The following ATXN7L2 variants were observed in gnomAD, a reference collection of about 807,000 sequenced individuals.
ATXN7L2 encodes ataxin-7-like protein 2.
ATXN7L2 carries 17 observed loss-of-function variants against 59.6 expected under a neutral mutation model. The observed-to-expected ratio is 0.29, with a 90% confidence interval of 0.20 to 0.43. ATXN7L2 has a LOEUF of 0.43. ATXN7L2 is among the 20% of genes least tolerant of loss of function. The pLI is 1.00. For missense variants in ATXN7L2, 858 were observed against 1,008.9 expected, an observed-to-expected ratio of 0.85 and a Z score of 2.03; for synonymous variants, 378 against 392.5, an observed-to-expected ratio of 0.96 and a Z score of 0.44.
chr1:109,486,424 G>A lies in ATXN7L2; in HGVS notation c.194-82G>A. The A allele has an allele frequency of 1.6e-6, 2 of 1,214,436 alleles. No individual in the cohort carries two copies. Among genetic ancestry groups the A allele is most frequent in the East Asian group, 2.4e-5 (1 of 41,618 alleles). 75.2% of individuals were successfully genotyped at this position (1,214,436 alleles called of 1,614,324 possible). ...AGCGGGGAGGTGAAGTGCCTTCTGAGTGTGGGGTGGGAGTGCTCTCCGATC... is the reference window on the plus strand; with the variant it reads ...AGCGGGGAGGTGAAGTGCCTTCTGAATGTGGGGTGGGAGTGCTCTCCGATC... On this transcript the variant is annotated intron_variant, in intron 2 of 10. Coordinates refer to ENST00000683729, the MANE Select transcript of ATXN7L2 (RefSeq NM_001350175.2). This position sits in a 1 kb window ranked among gnomAD's most constrained non-coding sequence, Gnocchi z 4.3.
intron 10 of ATXN7L2, chr1:109,492,233 G>T: frequency 1.7e-6 from 1 of 591,928 alleles, no homozygotes; most frequent in East Asian, 6.1e-5. Flanking sequence ...AGTTCTCCAG[G>T]GTTTCCAGTA....
intron 9 of ATXN7L2, among the ~76,000 whole-genome samples, 179 bp from the exon 10 acceptor site, chr1:109,490,743 C>A (rs1656986023): frequency 1.3e-5 from 2 of 152,122 alleles, no homozygotes; most frequent in South Asian, 4.1e-4. Flanking sequence ...AATTCCTCTC[C>A]ACAGGCACCC....
chr1:109,488,834 T>C lies in ATXN7L2; in HGVS notation c.880-13T>C, dbSNP rs574566068. The C allele has an allele frequency of 6.2e-7, 1 of 1,610,248 alleles. No individual in the cohort carries two copies. The highest frequency in any genetic ancestry group is 1.1e-5 in the South Asian group (1 of 90,916). On this transcript the variant is annotated splice_polypyrimidine_tract_variant and intron_variant, in intron 6 of 10. Coordinates refer to ENST00000683729, the MANE Select transcript of ATXN7L2 (RefSeq NM_001350175.2). This position sits in a 1 kb window ranked among gnomAD's most constrained non-coding sequence, Gnocchi z 5.0. Reference sequence around the variant, plus strand: ...ATACCTACTCCCCAGCTCTCCACTCTGCTGTATTCTAGATCCACTCAGTAC... The same window carrying C: ...ATACCTACTCCCCAGCTCTCCACTCCGCTGTATTCTAGATCCACTCAGTAC...
chr1:109,484,505 C>T (rs1029185367), intron 1 of ATXN7L2, among the ~76,000 whole-genome samples: 1 of 150,974 alleles, frequency 6.6e-6, no homozygotes, highest in African/African-American at 2.4e-5. Context: ...CCCACACCTC[C>T]TGCTCCTTTT....
At chr1:109,487,937 C>G in intron 5 of ATXN7L2, 133 bp downstream of exon 5, 1 of 1,086,876 alleles carries the variant, frequency 9.2e-7, no homozygotes, top group Non-Finnish European at 1.3e-6. Context: ...ATAGGAGCCC[C>G]GTCACCTCTT....
In ATXN7L2 at chr1:109,488,829, C is replaced by T. The variant is rs763053734; in HGVS notation, c.880-18C>T. Reference sequence around the variant, plus strand: ...AGTTCATACCTACTCCCCAGCTCTCCACTCTGCTGTATTCTAGATCCACTC... The same window carrying T: ...AGTTCATACCTACTCCCCAGCTCTCTACTCTGCTGTATTCTAGATCCACTC... On this transcript the variant is annotated intron_variant, in intron 6 of 10. Coordinates refer to ENST00000683729, the MANE Select transcript of ATXN7L2 (RefSeq NM_001350175.2). This position sits in a 1 kb window ranked among gnomAD's most constrained non-coding sequence, Gnocchi z 5.0. 1.2e-6 allele frequency: 2 copies of T among 1,607,400 alleles called. No homozygotes were observed. Among genetic ancestry groups the T allele is most frequent in the Non-Finnish European group, 8.5e-7 (1 of 1,175,342 alleles).
chr1:109,488,754 C>G lies in ATXN7L2; in HGVS notation c.880-93C>G. 1 of 1,437,986 alleles carries G rather than the reference C, an allele frequency of 7.0e-7. No homozygotes were observed. The highest frequency in any genetic ancestry group is 9.5e-7 in the Non-Finnish European group (1 of 1,052,104). 89.1% of individuals were successfully genotyped at this position (1,437,986 alleles called of 1,614,324 possible). On this transcript the variant is annotated intron_variant, in intron 6 of 10. Transcript: ENST00000683729. The surrounding 1 kb of genome is among the most constrained non-coding windows in gnomAD (Gnocchi z 5.0). Reference sequence around the variant, plus strand: ...GCAAATATGCCCACCTCTCTCCCTGCCCCCCAACTTGCCCGGGCCAAAGCA... The same window carrying G: ...GCAAATATGCCCACCTCTCTCCCTGGCCCCCAACTTGCCCGGGCCAAAGCA...
At chr1:109,492,078 TCA>T (rs1203984626) in intron 10 of ATXN7L2, 2 of 1,085,722 alleles carry the variant, frequency 1.8e-6, no homozygotes, top group African/African-American at 3.3e-5. Flanking sequence ...AGTCCCTGGG[TCA>T]CAGCCTAACA....
chr1:109,491,363 C>T lies in ATXN7L2; in HGVS notation c.1896C>T (p.Gly632=). 1.2e-6 allele frequency: 2 copies of T among 1,614,246 alleles called. No homozygotes were observed. Among genetic ancestry groups the T allele is most frequent in the African/African-American group, 1.3e-5 (1 of 75,070 alleles). Residue 632 remains glycine (G), a synonymous_variant, in exon 10 of 11, where the codon GGC becomes GGT. Coordinates refer to ENST00000683729, the MANE Select transcript of ATXN7L2 (RefSeq NM_001350175.2). The surrounding 1 kb of genome is among the most constrained non-coding windows in gnomAD (Gnocchi z 4.1). ...AAGGGAAACCCTCTGGCTGTAGGGGCCTCTCGGCCAAAACTAAAACAGCCC... is the reference window on the plus strand; with the variant it reads ...AAGGGAAACCCTCTGGCTGTAGGGGTCTCTCGGCCAAAACTAAAACAGCCC... ...TGKGKPSGCR[G]LSAKTKTALS... is the part of the protein sequence containing the mutation.
rs1166969350 is a variant in ATXN7L2 at position 109,487,589 on chromosome 1, T to C, written c.581T>C (p.Val194Ala). ...AAGCCTGATGGACATGGAATCAGGGTGGCCCCACCCTCTGCTTTTCTCAGC... is the reference window on the plus strand; with the variant it reads ...AAGCCTGATGGACATGGAATCAGGGCGGCCCCACCCTCTGCTTTTCTCAGC... ...LPKPDGHGIR[V>A]APPSAFLSQP... Residue 194 changes from valine to alanine, a missense_variant, in exon 5 of 11, where the codon GTG (valine) becomes GCG (alanine). By Grantham distance (64) the Val-to-Ala change is moderately conservative. Around this residue, in one of 3 missense-constraint regions of ATXN7L2, gnomAD observed 734 missense variants for 862.3 expected, o/e 0.85. Transcript: ENST00000683729. The C allele has an allele frequency of 1.3e-6, 2 of 1,557,586 alleles. No homozygotes were observed. Among genetic ancestry groups the C allele is most frequent in the South Asian group, 1.2e-5 (1 of 82,544 alleles).
In ATXN7L2 at chr1:109,491,377, C is replaced by G; in HGVS notation, c.1910C>G (p.Thr637Ser). The change falls in exon 10 of 11, where the codon ACT (threonine) becomes AGT (serine). Residue 637 changes from threonine to serine, a missense_variant. By Grantham distance (58) the Thr-to-Ser change is moderately conservative (BLOSUM62 1). Transcript: ENST00000683729. The surrounding 1 kb of genome is among the most constrained non-coding windows in gnomAD (Gnocchi z 4.1). Reference protein sequence around the residue: ...PSGCRGLSAKTKTALSMGLNG... With the variant: ...PSGCRGLSAKSKTALSMGLNG... ...GGCTGTAGGGGCCTCTCGGCCAAAACTAAAACAGCCCTGAGCATGGGGCTT... is the reference window on the plus strand; with the variant it reads ...GGCTGTAGGGGCCTCTCGGCCAAAAGTAAAACAGCCCTGAGCATGGGGCTT... 1 of 1,614,248 alleles carries G rather than the reference C, an allele frequency of 6.2e-7. No individual in the cohort carries two copies. Among genetic ancestry groups the G allele is most frequent in the Non-Finnish European group, 8.5e-7 (1 of 1,180,050 alleles).
chr1:109,487,428 C>A (rs1037716368), intron 4 of ATXN7L2, 90 bp from the exon 5 acceptor site: 2 of 1,328,538 alleles, frequency 1.5e-6, no homozygotes, highest in African/African-American at 1.5e-5. Flanking sequence ...AATTCCAGGG[C>A]TGGGAAAGAG....
At position 109,491,899 on chromosome 1, in the gene ATXN7L2, G is replaced by A; in HGVS notation, c.2250+182G>A. ...CTTAGCAAAGTGACTCCAGCTTTTT[G>A]CCTGGTGAACCTTCCCCTATCCCTA... On this transcript the variant is annotated intron_variant, in intron 10 of 10. Coordinates refer to ENST00000683729, the MANE Select transcript of ATXN7L2 (RefSeq NM_001350175.2). This position sits in a 1 kb window ranked among gnomAD's most constrained non-coding sequence, Gnocchi z 4.1. 1 of 1,197,316 alleles carries A rather than the reference G, an allele frequency of 8.4e-7. No individual in the cohort carries two copies. Among genetic ancestry groups the A allele is most frequent in the Non-Finnish European group, 1.1e-6 (1 of 890,398 alleles). 74.2% of individuals were successfully genotyped at this position (1,197,316 alleles called of 1,614,324 possible). A position where few individuals can be genotyped will look rare whatever the true frequency, so the allele number is the denominator to read the frequency against.
In ATXN7L2 at chr1:109,491,063, C is replaced by G. The variant is rs368221935; in HGVS notation, c.1596C>G (p.Pro532=). Residue 532 remains proline (P), a synonymous_variant, in exon 10 of 11, where the codon CCC becomes CCG. Coordinates refer to ENST00000683729, the MANE Select transcript of ATXN7L2 (RefSeq NM_001350175.2). This position sits in a 1 kb window ranked among gnomAD's most constrained non-coding sequence, Gnocchi z 4.1. Reference sequence around the variant, plus strand: ...CTGCCTGCCCAGCCTCCATGCCCCCCACCAAGGACAACCTTGTCCCCAGCT... The same window carrying G: ...CTGCCTGCCCAGCCTCCATGCCCCCGACCAAGGACAACCTTGTCCCCAGCT... The part of the protein sequence containing the change: ...LRPACPASMP[P]TKDNLVPSYP... 5 of 1,613,630 alleles carry G rather than the reference C, an allele frequency of 3.1e-6. No homozygotes were observed. Among genetic ancestry groups the G allele is most frequent in the East Asian group, 4.5e-5 (2 of 44,898 alleles).
rs1224592691 is a variant in ATXN7L2, at chr1:109,487,202, A to G, written c.494A>G (p.Gln165Arg). ...GGCCACCAGCCTCCTGAGAAGACCCAGAAGGACAACCTCTGGTAAGGAGAG... is the reference window on the plus strand; with the variant it reads ...GGCCACCAGCCTCCTGAGAAGACCCGGAAGGACAACCTCTGGTAAGGAGAG... ...SRGHQPPEKT[Q>R]KDNLCLFVPV... is the part of the protein sequence containing the mutation. Residue 165 changes from glutamine to arginine, a missense_variant, in exon 4 of 11, where the codon CAG (glutamine) becomes CGG (arginine). Physicochemically the swap from Gln to Arg is conservative, Grantham distance 43. This residue lies in a region of ATXN7L2 where 734 missense variants were observed against 862.3 expected (regional missense o/e 0.85). Coordinates refer to ENST00000683729, the MANE Select transcript of ATXN7L2 (RefSeq NM_001350175.2). The G allele has an allele frequency of 6.4e-7, 1 of 1,566,776 alleles. No individual in the cohort carries two copies. Among genetic ancestry groups the G allele is most frequent in the South Asian group, 1.2e-5 (1 of 85,352 alleles).
Position 109,491,299 on chromosome 1 carries a change from C to T in ATXN7L2, c.1832C>T (p.Thr611Ile), listed in dbSNP as rs1196239695. Residue 611 changes from threonine (T) to isoleucine (I), a missense_variant, in exon 10 of 11, where the codon ACC becomes ATC. Physicochemically the swap from Thr to Ile is moderately conservative, Grantham distance 89. Around this residue, in one of 3 missense-constraint regions of ATXN7L2, gnomAD observed 734 missense variants for 862.3 expected, o/e 0.85. Transcript: ENST00000683729. This position sits in a 1 kb window ranked among gnomAD's most constrained non-coding sequence, Gnocchi z 4.1. ...SRKRKLSPGPTTLKRTCILEP... is the reference protein window; with the variant it reads ...SRKRKLSPGPITLKRTCILEP... ...AAGCGGAAGTTATCCCCTGGCCCTA[C>T]CACTCTTAAACGGACCTGCATCCTG... 2 of 1,614,152 alleles carry T rather than the reference C, an allele frequency of 1.2e-6. No homozygotes were observed. The highest frequency in any genetic ancestry group is 1.7e-6 in the Non-Finnish European group (2 of 1,180,058).
At chr1:109,484,818 G>A (rs1016961449) in intron 1 of ATXN7L2, among the ~76,000 whole-genome samples, 1 of 152,212 alleles carries the variant, frequency 6.6e-6, no homozygotes, top group African/African-American at 2.4e-5. Context: ...TCACGCCCCT[G>A]AAGAAGTTTG....
chr1:109,489,018 C>T lies in ATXN7L2; in HGVS notation c.1051C>T (p.Gln351Ter). Residue 351 changes from glutamine (Q) to a stop codon, truncating the protein, a stop_gained, in exon 7 of 11, where the codon CAG becomes TAG. Transcript: ENST00000683729. LOFTEE classifies it high-confidence loss of function. The stretch of plus-strand genomic sequence containing the variant: ...CTCCCAGGAGCTCCCCTCCTCAGTC[C>T]AGGTTGTAGCAGCGGTGGCTGCTCC... Reference protein sequence around the residue: ...RPSQELPSSVQVVAAVAAPSS... With the variant: ...RPSQELPSSV The T allele has an allele frequency of 6.2e-7, 1 of 1,614,164 alleles. No individual in the cohort carries two copies. Among genetic ancestry groups the T allele is most frequent in the Non-Finnish European group, 8.5e-7 (1 of 1,180,016 alleles).
At chr1:109,487,256 C>T (rs564799186) in intron 4 of ATXN7L2, 39 bp downstream of exon 4, 2 of 1,459,982 alleles carry the variant, frequency 1.4e-6, no homozygotes, top group Admixed American at 2.6e-5. Context: ...CTGGCCCTGA[C>T]CCTGACCCAT....
Sources: gnomAD v4.1 joint callset for allele counts (sites outside exome capture counted in the v4.1 genomes callset) on GRCh38, gnomAD v4.1.1 for gene constraint, gnomAD v4.1.1 regional missense constraint, Gnocchi (gnomAD v3.1) non-coding constraint, MANE v1.5 for transcripts, NCBI Gene and HGNC (gene_info 2026-07-23, HGNC 2026-07-21) for gene names.